MITF: variants seen among roughly 807,000 people sequenced by gnomAD.
MITF encodes the protein melanocyte inducing transcription factor, also known as microphthalmia-associated transcription factor.
A neutral mutation model predicts 60.5 loss-of-function variants in MITF; 17 were observed. That is an observed-to-expected ratio of 0.28 (90% CI 0.19 to 0.42). The LOEUF (loss-of-function observed/expected upper bound fraction) is 0.42. MITF is among the 10% of genes least tolerant of loss of function. The probability of loss-of-function intolerance (pLI) is 1.00; values close to 1 mark genes in which losing one functional copy is unlikely to be tolerated. For synonymous variants in MITF, 260 were observed against 248.5 expected (o/e 1.05, Z -0.43); for missense variants, 622 against 683.5 (o/e 0.91, Z 1.00).
intron 1 of MITF, among the ~76,000 whole-genome samples, chr3:69,828,651 A>G (rs1160886455): frequency 6.6e-6 from 1 of 152,130 alleles, no homozygotes; most frequent in Admixed American, 6.5e-5. Context: ...ATTTTGATAT[A>G]TAAAATGAGT....
At chr3:69,931,110 T>C (rs2065713409) in intron 2 of MITF, among the ~76,000 whole-genome samples, 1 of 152,242 alleles carries the variant, frequency 6.6e-6, no homozygotes, top group Non-Finnish European at 1.5e-5. Context: ...TTTCTTACTT[T>C]TACTTTGAAT....
rs145468496 is a variant in MITF, at chr3:69,761,692, T to C, written c.104+21991T>C. ...ACAGCATGCCTGTCTGCATAGTCCTTTGTTTCTAAAGCTGCTTCTGAAGGA... is the reference window on the plus strand; with the variant it reads ...ACAGCATGCCTGTCTGCATAGTCCTCTGTTTCTAAAGCTGCTTCTGAAGGA... On this transcript the variant is annotated intron_variant, in intron 1 of 9. Coordinates refer to ENST00000352241, the MANE Select transcript of MITF (RefSeq NM_001354604.2). Among the ~76,000 whole-genome samples the C allele has an allele frequency of 4.8e-3, 738 of 152,312 alleles. 5 individuals are homozygous for C. The highest frequency in any genetic ancestry group is 0.017 in the African/African-American group (696 of 41,564).
Position 69,966,452 on chromosome 3 carries a change from A to C in MITF, c.*1204A>C, listed in dbSNP as rs1465486856. ...CAGGCTTTCTAGAAAGAATAAACTT[A>C]CATATTTATTTTTAGGACATGAAAA... On this transcript the variant is annotated 3_prime_UTR_variant, in exon 10 of 10. Transcript: ENST00000352241. 8.6e-6 allele frequency: 2 copies of C among 232,728 alleles called. No individual in the cohort carries two copies. Among genetic ancestry groups the C allele is most frequent in the African/African-American group, 4.4e-5 (2 of 45,334 alleles). The allele number at this position is 232,728 out of a possible 1,614,324, so 14.4% of individuals were successfully genotyped here.
intron 7 of MITF, among the ~76,000 whole-genome samples, chr3:69,953,738 G>GT (rs2066327099): frequency 6.6e-6 from 1 of 151,254 alleles, no homozygotes; most frequent in South Asian, 2.1e-4. Context: ...GAGCGCCCCT[G>GT]TTTTGTGTGA....
intron 8 of MITF, among the ~76,000 whole-genome samples, chr3:69,959,019 G>T (rs2066470663): frequency 6.7e-6 from 1 of 148,790 alleles, no homozygotes; most frequent in Non-Finnish European, 1.5e-5. Flanking sequence ...GGAGGGAGGG[G>T]GTGGGATGGG....
intron 1 of MITF, among the ~76,000 whole-genome samples, chr3:69,747,053 G>C (rs79256558): frequency 0.012 from 1,896 of 152,290 alleles, 32 homozygotes; most frequent in African/African-American, 0.043. Flanking sequence ...CCTGTCCTGG[G>C]ATTCAGAGTG....
chr3:69,796,494 C>CTTTTATTTTTT (rs2062830108), intron 1 of MITF, among the ~76,000 whole-genome samples: 1 of 80,328 alleles, frequency 1.2e-5, no homozygotes, highest in Non-Finnish European at 2.6e-5. Context: ...CACCGTCTTT[C>CTTTTATTTTTT]TTTTTTTTTT....
intron 2 of MITF, among the ~76,000 whole-genome samples, chr3:69,933,205 A>G (rs1024765052): frequency 6.6e-6 from 1 of 152,012 alleles, no homozygotes; most frequent in African/African-American, 2.4e-5. Context: ...AATATAATAA[A>G]TAAATAAATA....
chr3:69,909,892 A>AT (rs1436335811), intron 2 of MITF, among the ~76,000 whole-genome samples: 4 of 152,256 alleles, frequency 2.6e-5, no homozygotes, highest in African/African-American at 9.6e-5. Context: ...AGAAAAACCC[A>AT]TTTTTTCAGG....
At chr3:69,789,423 C>T (rs999568537) in intron 1 of MITF, among the ~76,000 whole-genome samples, 3 of 152,044 alleles carry the variant, frequency 2.0e-5, no homozygotes, top group African/African-American at 4.8e-5. Context: ...AAATGCAAAT[C>T]GGAACCACAG....
chr3:69,739,471 G>C lies in MITF; in HGVS notation c.-127G>C, dbSNP rs926703333. ...GCGCTGGGGCGGGCGGCCGCGAGCCGGCGAGCGGGCAGAGCTCGGCACTGC... is the reference window on the plus strand; with the variant it reads ...GCGCTGGGGCGGGCGGCCGCGAGCCCGCGAGCGGGCAGAGCTCGGCACTGC... On this transcript the variant is annotated 5_prime_UTR_variant, in exon 1 of 10. Transcript: ENST00000352241. 5 of 769,976 alleles carry C rather than the reference G, an allele frequency of 6.5e-6. No individual in the cohort carries two copies. Among genetic ancestry groups the C allele is most frequent in the East Asian group, 3.2e-5 (1 of 31,124 alleles). The allele number at this position is 769,976 out of a possible 1,614,324, so 47.7% of individuals were successfully genotyped here.
intron 2 of MITF, among the ~76,000 whole-genome samples, chr3:69,912,400 A>T (rs1216678014): frequency 6.6e-6 from 1 of 152,172 alleles, no homozygotes; most frequent in Non-Finnish European, 1.5e-5. Context: ...ATTTACCACA[A>T]ATTTTAAAAG....
At chr3:69,775,790 T>C (rs2062464397) in intron 1 of MITF, among the ~76,000 whole-genome samples, 1 of 152,140 alleles carries the variant, frequency 6.6e-6, no homozygotes, top group African/African-American at 2.4e-5. Context: ...CTGGGACTCT[T>C]TGTAGAAGAA....
chr3:69,776,950 G>A (rs1171795540), intron 1 of MITF, among the ~76,000 whole-genome samples: 1 of 152,148 alleles, frequency 6.6e-6, no homozygotes. Context: ...AAATAAAAAG[G>A]ATTAATATGT....
At chr3:69,840,285 T>A (rs1296533815) in intron 1 of MITF, among the ~76,000 whole-genome samples, 2 of 152,138 alleles carry the variant, frequency 1.3e-5, no homozygotes, top group Non-Finnish European at 2.9e-5. Flanking sequence ...ATGGGCACAA[T>A]AAGGTGAACC....
At chr3:69,810,944 AT>A (rs2063091617) in intron 1 of MITF, among the ~76,000 whole-genome samples, 1 of 152,260 alleles carries the variant, frequency 6.6e-6, no homozygotes, top group Non-Finnish European at 1.5e-5. Context: ...GATCTAAAAT[AT>A]ATTGTTAAAT....
intron 6 of MITF, among the ~76,000 whole-genome samples, chr3:69,951,028 G>A (rs1274279230): frequency 6.7e-6 from 1 of 148,188 alleles, no homozygotes; most frequent in East Asian, 2.0e-4. Flanking sequence ...ACCAACTTCT[G>A]AAAAAATGAG....
At chr3:69,835,046 T>C (rs2063519615) in intron 1 of MITF, among the ~76,000 whole-genome samples, 1 of 111,448 alleles carries the variant, frequency 9.0e-6, no homozygotes, top group Non-Finnish European at 1.8e-5. Flanking sequence ...TTTGGCAAAG[T>C]CTCACTCTGT....
At chr3:69,815,531 C>G (rs1471317743) in intron 1 of MITF, among the ~76,000 whole-genome samples, 2 of 152,128 alleles carry the variant, frequency 1.3e-5, no homozygotes, top group East Asian at 3.8e-4. Context: ...ATAACATTTT[C>G]TTTTCTCCGG....
Sources: gnomAD v4.1 joint callset for allele counts (sites outside exome capture counted in the v4.1 genomes callset) on GRCh38, gnomAD v4.1.1 for gene constraint, MANE v1.5 for transcripts, NCBI Gene and HGNC (gene_info 2026-07-23, HGNC 2026-07-21) for gene names.